The following SEMA5A variants were observed in gnomAD, a reference collection of about 807,000 sequenced individuals.
SEMA5A encodes semaphorin-5A.
In SEMA5A, 55 loss-of-function variants were observed where a neutral mutation model predicts 135.5. The ratio of observed to expected loss-of-function variants is 0.41; its 90% CI spans 0.33 to 0.51. The LOEUF (loss-of-function observed/expected upper bound fraction) is 0.51, where lower values mean the gene tolerates loss of function less well. SEMA5A is among the 20% of genes least tolerant of loss of function. The pLI, the probability that SEMA5A is intolerant of heterozygous loss-of-function variation, is 0.37. For missense variants in SEMA5A, 1,290 were observed against 1,419.9 expected, an observed-to-expected ratio of 0.91 and a Z score of 1.47; for synonymous variants, 580 against 546.5, an observed-to-expected ratio of 1.06 and a Z score of -0.85.
At chr5:9,194,098 C>T in intron 10 of SEMA5A, among the ~76,000 whole-genome samples, 1 of 152,286 alleles carries the variant, frequency 6.6e-6, no homozygotes, top group African/African-American at 2.4e-5. Context: ...TCTGTCACAG[C>T]TCAGCTGTGC....
intron 1 of SEMA5A, among the ~76,000 whole-genome samples, chr5:9,460,680 G>A (rs1026236679): frequency 6.6e-6 from 1 of 152,076 alleles, no homozygotes; most frequent in Admixed American, 6.6e-5. Flanking sequence ...ACTTGAAACT[G>A]AAAGAAACAT....
intron 3 of SEMA5A, among the ~76,000 whole-genome samples, chr5:9,344,693 A>T (rs1277338033): frequency 1.3e-5 from 2 of 152,254 alleles, no homozygotes; most frequent in African/African-American, 4.8e-5. Context: ...TCCTATTTAC[A>T]TTAGCAAACT....
intron 18 of SEMA5A, among the ~76,000 whole-genome samples, chr5:9,057,613 C>T (rs1485252609): frequency 6.6e-6 from 1 of 152,176 alleles, no homozygotes; most frequent in Non-Finnish European, 1.5e-5. Context: ...GCATTTGGAA[C>T]AGAATCCAGT....
At chr5:9,316,766 C>A (rs555400405) in intron 5 of SEMA5A, among the ~76,000 whole-genome samples, 1 of 152,172 alleles carries the variant, frequency 6.6e-6, no homozygotes, top group South Asian at 2.1e-4. Context: ...ATGCAGGTAT[C>A]TCACATACTT....
chr5:9,450,877 A>G (rs1030569325), intron 1 of SEMA5A, among the ~76,000 whole-genome samples: 3 of 152,156 alleles, frequency 2.0e-5, no homozygotes, highest in African/African-American at 7.2e-5. Flanking sequence ...ACTTTATTAC[A>G]TGTTGTACTT....
chr5:9,044,459 G>A lies in SEMA5A; in HGVS notation c.3019C>T (p.His1007Tyr), dbSNP rs775471569. The A allele has an allele frequency of 3.1e-6, 5 of 1,613,968 alleles. No individual in the cohort carries two copies. The highest frequency in any genetic ancestry group is 4.2e-6 in the Non-Finnish European group (5 of 1,179,992). ...TTAAGGGGGGCAGGTGAGACGGGGT[G>A]GATGACAGTCGCATCGTGGGATTGC... Reference protein sequence around the residue: ...QQQSHDATVIHPVSPAPLNTS... With the variant: ...QQQSHDATVIYPVSPAPLNTS... Residue 1007 changes from histidine to tyrosine, a missense_variant, in exon 22 of 23, where the codon CAC (histidine) becomes TAC (tyrosine). His to Tyr is a moderately conservative substitution (Grantham distance 83). Transcript: ENST00000382496.
chr5:9,320,974 T>C (rs1752604788), intron 4 of SEMA5A, among the ~76,000 whole-genome samples: 1 of 151,930 alleles, frequency 6.6e-6, no homozygotes, highest in Non-Finnish European at 1.5e-5. Context: ...CCCACCCAAA[T>C]CTCATCTTGA....
rs1297542959 is a variant in SEMA5A at position 9,212,716 on chromosome 5, G to T, written c.647-10476C>A. 6.6e-5 allele frequency among the ~76,000 whole-genome samples: 10 copies of T among 152,308 alleles called. No homozygotes were observed. In the South Asian group the frequency reaches 1.9e-3, roughly 28 times the overall value. On this transcript the variant is annotated intron_variant, in intron 8 of 22. Transcript: ENST00000382496. ...TTCACATTTCTGCTATTTGTGAAGT[G>T]TGCTAATGTCTTACTCATTCAACAA...
chr5:9,047,101 C>T (rs2150033206), intron 21 of SEMA5A, among the ~76,000 whole-genome samples: 1 of 152,288 alleles, frequency 6.6e-6, no homozygotes, highest in South Asian at 2.1e-4. Flanking sequence ...AACAATGACG[C>T]TATACTTAGA....
chr5:9,235,932 T>G (rs1747884378), intron 6 of SEMA5A, among the ~76,000 whole-genome samples: 1 of 152,148 alleles, frequency 6.6e-6, no homozygotes, highest in Non-Finnish European at 1.5e-5. Context: ...TCCACATGAC[T>G]GGGGAGTCCA....
At chr5:9,517,530 C>T (rs1736596171) in intron 1 of SEMA5A, 1 of 152,176 alleles carries the variant, frequency 6.6e-6, no homozygotes, top group African/African-American at 2.4e-5. Context: ...GTGGAATAAA[C>T]ACCAGGAGTG....
chr5:9,500,904 T>A (rs1735565139), intron 1 of SEMA5A, among the ~76,000 whole-genome samples: 1 of 152,208 alleles, frequency 6.6e-6, no homozygotes, highest in South Asian at 2.1e-4. Flanking sequence ...TAATCTGGCG[T>A]TGACTGTATG....
intron 16 of SEMA5A, among the ~76,000 whole-genome samples, chr5:9,070,454 C>G (rs557408015): frequency 6.6e-6 from 1 of 152,196 alleles, no homozygotes; most frequent in East Asian, 1.9e-4. Context: ...ACAAATGCAG[C>G]ATTACCTATA....
chr5:9,377,087 G>C (rs891107062), intron 3 of SEMA5A, among the ~76,000 whole-genome samples: 2 of 147,878 alleles, frequency 1.4e-5, no homozygotes, highest in Admixed American at 6.8e-5. Flanking sequence ...TCATCACATA[G>C]TGGAAGCTAT....
rs372944202 is a variant in SEMA5A, at chr5:9,221,365, C to A, written c.646+3309G>T. Among the ~76,000 whole-genome samples, 507 of 143,722 alleles carry A rather than the reference C, an allele frequency of 3.5e-3. 3 individuals are homozygous for A. Among genetic ancestry groups the A allele is most frequent in the African/African-American group, 0.013 (489 of 38,852 alleles). 94.3% of individuals were successfully genotyped at this position (143,722 alleles called of 152,430 possible). On this transcript the variant is annotated intron_variant, in intron 8 of 22. Coordinates refer to ENST00000382496, the MANE Select transcript of SEMA5A (RefSeq NM_003966.3). ...TCACCCAGGCTGGAGTGCAGTGGCG[C>A]GATCTCGGCTTACTGCAAGCTCCGC...
intron 4 of SEMA5A, among the ~76,000 whole-genome samples, chr5:9,324,048 A>T (rs960389296): frequency 4.6e-5 from 7 of 151,582 alleles, no homozygotes; most frequent in African/African-American, 1.5e-4. Flanking sequence ...TACAATTTTC[A>T]GCTATTTTAA....
intron 2 of SEMA5A, among the ~76,000 whole-genome samples, chr5:9,403,669 A>G (rs1340489629): frequency 2.6e-5 from 4 of 152,192 alleles, no homozygotes; most frequent in Non-Finnish European, 5.9e-5. Context: ...ATTTTAAGCC[A>G]TCTCATGCTC....
At chr5:9,461,733 C>G (rs1481532241) in intron 1 of SEMA5A, among the ~76,000 whole-genome samples, 3 of 152,166 alleles carry the variant, frequency 2.0e-5, no homozygotes, top group African/African-American at 7.2e-5. Context: ...GTGGAGGAAA[C>G]AGCAATAGTA....
At chr5:9,243,794 T>C (rs1333039328) in intron 5 of SEMA5A, among the ~76,000 whole-genome samples, 1 of 152,166 alleles carries the variant, frequency 6.6e-6, no homozygotes, top group African/African-American at 2.4e-5. Context: ...ACTTTATAAC[T>C]TGGATCTGGA....
Sources: gnomAD v4.1 joint callset for allele counts (sites outside exome capture counted in the v4.1 genomes callset) on GRCh38, gnomAD v4.1.1 for gene constraint, MANE v1.5 for transcripts, NCBI Gene and HGNC (gene_info 2026-07-23, HGNC 2026-07-21) for gene names.